Variants in ATG4C observed in about 807,000 individuals in gnomAD.
ATG4C encodes the protein autophagy related 4C cysteine peptidase, also known as cysteine protease ATG4C.
Under a neutral mutation model 57.6 loss-of-function variants are expected in ATG4C, and 56 were observed. The observed-to-expected ratio is 0.97, with a 90% CI of 0.78 to 1.21. The LOEUF (loss-of-function observed/expected upper bound fraction) is 1.21, where lower values mean the gene tolerates loss of function less well. ATG4C is among the 50% of genes most tolerant of loss of function. The pLI is 0.00. For synonymous variants in ATG4C, 157 were observed against 174.1 expected, an observed-to-expected ratio of 0.90 and a Z score of 0.78; for missense variants, 595 against 529.8, an observed-to-expected ratio of 1.12 and a Z score of -1.21.
chr1:62,799,297 GTAAC>G (rs1664575505), intron 1 of ATG4C, among the ~76,000 whole-genome samples: 1 of 152,182 alleles, frequency 6.6e-6, no homozygotes, highest in African/African-American at 2.4e-5. Flanking sequence ...CATATGAAAA[GTAAC>G]TATGCTGAAT....
intron 6 of ATG4C, among the ~76,000 whole-genome samples, chr1:62,825,953 G>A (rs1665636067): frequency 1.3e-5 from 2 of 151,968 alleles, no homozygotes; most frequent in East Asian, 3.9e-4. Context: ...TGTTGTCCAG[G>A]TTGGAGTGCA....
chr1:62,805,213 C>T lies in ATG4C; in HGVS notation c.118C>T (p.Pro40Ser). 6 of 1,511,796 alleles carry T rather than the reference C, an allele frequency of 4.0e-6. No homozygotes were observed. Among genetic ancestry groups the T allele is most frequent in the Non-Finnish European group, 4.4e-6 (5 of 1,140,020 alleles). 93.6% of individuals were successfully genotyped at this position (1,511,796 alleles called of 1,614,324 possible). A position where few individuals can be genotyped will look rare whatever the true frequency, so the allele number is the denominator to read the frequency against. ...KTKTYFSRNS[P>S]VLLLGKCYHF... ...AAAGACGTATTTTAGTAGAAATTCT[C>T]CTGTATTATTGCTTGGAAAATGTTA... Residue 40 changes from proline to serine, a missense_variant, in exon 3 of 11, where the codon CCT (proline) becomes TCT (serine). Pro to Ser is a moderately conservative substitution (Grantham distance 74, BLOSUM62 -1). Coordinates refer to ENST00000317868, the MANE Select transcript of ATG4C (RefSeq NM_032852.4).
chr1:62,822,314 A>AG (rs1467580156), intron 6 of ATG4C, among the ~76,000 whole-genome samples: 2 of 152,172 alleles, frequency 1.3e-5, no homozygotes, highest in Non-Finnish European at 2.9e-5. Flanking sequence ...AATATCCGTA[A>AG]TTATAGCCAT....
intron 9 of ATG4C, among the ~76,000 whole-genome samples, chr1:62,839,145 A>AACT (rs1417769173): frequency 1.3e-5 from 2 of 152,164 alleles, no homozygotes; most frequent in South Asian, 2.1e-4. Context: ...TGGCACCTCA[A>AACT]ACTCCTGGGC....
intron 1 of ATG4C, among the ~76,000 whole-genome samples, chr1:62,785,517 A>G (rs1406276822): frequency 2.0e-5 from 3 of 152,150 alleles, no homozygotes; most frequent in Non-Finnish European, 2.9e-5. Context: ...ATTTATGGTG[A>G]TTGGTTATGA....
intron 8 of ATG4C, 60 bp from the exon 9 acceptor site, chr1:62,834,716 G>T: frequency 2.9e-6 from 4 of 1,367,806 alleles, no homozygotes; most frequent in African/African-American, 1.4e-5. Context: ...AAATTGGATT[G>T]TAAGCAGTGT....
chr1:62,818,611 A>G (rs1349696501), intron 4 of ATG4C, among the ~76,000 whole-genome samples: 1 of 152,160 alleles, frequency 6.6e-6, no homozygotes, highest in Non-Finnish European at 1.5e-5. Flanking sequence ...CCATTAAGGT[A>G]GAAACATCAT....
chr1:62,838,911 A>G (rs1370862279), intron 9 of ATG4C, among the ~76,000 whole-genome samples: 2 of 152,218 alleles, frequency 1.3e-5, no homozygotes, highest in African/African-American at 4.8e-5. Context: ...GAATATTTTA[A>G]AAGTTCTTTG....
chr1:62,844,896 G>A (rs942516391), intron 10 of ATG4C, among the ~76,000 whole-genome samples: 5 of 151,674 alleles, frequency 3.3e-5, no homozygotes, highest in South Asian at 2.1e-4. Context: ...CTATGTAACC[G>A]TACATGTTGA....
At chr1:62,856,025 G>A (rs1557995613) in intron 10 of ATG4C, among the ~76,000 whole-genome samples, 1 of 152,178 alleles carries the variant, frequency 6.6e-6, no homozygotes, top group Non-Finnish European at 1.5e-5. Flanking sequence ...CCTGTATGTA[G>A]TCTTATAGAG....
At chr1:62,856,486 T>G (rs763776490) in intron 10 of ATG4C, among the ~76,000 whole-genome samples, 4 of 152,246 alleles carry the variant, frequency 2.6e-5, no homozygotes, top group Non-Finnish European at 4.4e-5. Flanking sequence ...ATATATTAGC[T>G]GATTTAATCT....
At chr1:62,808,305 A>G (rs1423491719) in intron 3 of ATG4C, among the ~76,000 whole-genome samples, 1 of 152,210 alleles carries the variant, frequency 6.6e-6, no homozygotes, top group African/African-American at 2.4e-5. Flanking sequence ...AAATATCTCC[A>G]TCTTGGATGA....
rs1168822709 is a variant in ATG4C, at chr1:62,798,142, C to G, written c.-68-5577C>G. On this transcript the variant is annotated intron_variant, in intron 1 of 10. Coordinates refer to ENST00000317868, the MANE Select transcript of ATG4C (RefSeq NM_032852.4). ...CCAGCCAGAAAGGCCTTTTCTACCC[C>G]AAGATTTAAAAAATAATTTAAATCT... 2.0e-5 allele frequency among the ~76,000 whole-genome samples: 3 copies of G among 151,980 alleles called. No homozygotes were observed. The East Asian group carries it at 5.8e-4, about 29-fold the overall frequency.
chr1:62,816,645 A>C lies in ATG4C; in HGVS notation c.231A>C (p.Glu77Asp). The C allele has an allele frequency of 1.9e-6, 3 of 1,613,884 alleles. No homozygotes were observed. In the Admixed American group the frequency reaches 5.0e-5, roughly 27 times the overall value. ...ATCACGTAATTGCAGGAAATGTAGA[A>C]GAATTTCGTAAAGATTTCATTTCTA... ...IEDHVIAGNV[E>D]EFRKDFISRI... Residue 77 changes from glutamate (E) to aspartate (D), a missense_variant, in exon 4 of 11, where the codon GAA becomes GAC. Glu to Asp is a conservative substitution (Grantham distance 45). Transcript: ENST00000317868.
At chr1:62,831,693 A>G (rs1355988964) in intron 7 of ATG4C, among the ~76,000 whole-genome samples, 1 of 152,138 alleles carries the variant, frequency 6.6e-6, no homozygotes, top group Non-Finnish European at 1.5e-5. Context: ...ATAAATTTTC[A>G]CCACTAGAAA....
At chr1:62,789,905 G>A (rs949952156) in intron 1 of ATG4C, among the ~76,000 whole-genome samples, 18 of 152,020 alleles carry the variant, frequency 1.2e-4, no homozygotes, top group Admixed American at 8.5e-4. Flanking sequence ...CCTTTAAATG[G>A]ACACACATAT....
chr1:62,813,583 G>A (rs558581591), intron 3 of ATG4C, among the ~76,000 whole-genome samples: 3 of 152,218 alleles, frequency 2.0e-5, no homozygotes, highest in South Asian at 4.1e-4. Context: ...GGCAACAAAA[G>A]CCAAAATTGA....
chr1:62,860,110 G>C (rs1666804868), intron 10 of ATG4C, among the ~76,000 whole-genome samples: 1 of 151,576 alleles, frequency 6.6e-6, no homozygotes, highest in Non-Finnish European at 1.5e-5. Flanking sequence ...ATACACATTA[G>C]TTTAGGCCTA....
At chr1:62,850,850 G>GTATATATA (rs200522566) in intron 10 of ATG4C, among the ~76,000 whole-genome samples, 2 of 33,546 alleles carry the variant, frequency 6.0e-5, no homozygotes, top group East Asian at 6.8e-4. Context: ...GTGTGTGTAT[G>GTATATATA]TATGTATATA....
Sources: gnomAD v4.1 joint callset for allele counts (sites outside exome capture counted in the v4.1 genomes callset) on GRCh38, gnomAD v4.1.1 for gene constraint, MANE v1.5 for transcripts, NCBI Gene and HGNC (gene_info 2026-07-23, HGNC 2026-07-21) for gene names.